The following CALN1 variants were observed in gnomAD, a reference collection of about 807,000 sequenced individuals.
The protein encoded by CALN1 is calcium-binding protein 8.
CALN1 carries 17 observed loss-of-function variants against 30.6 expected under a neutral mutation model. The ratio of observed to expected loss-of-function variants is 0.56; its 90% CI spans 0.38 to 0.83. CALN1 has a LOEUF of 0.83. CALN1 is among the 40% of genes least tolerant of loss of function. The probability of loss-of-function intolerance (pLI) is 0.00; values close to 1 mark genes in which losing one functional copy is unlikely to be tolerated. For missense variants in CALN1, 291 were observed against 354.9 expected, an observed-to-expected ratio of 0.82 and a Z score of 1.45; for synonymous variants, 156 against 131.4, an observed-to-expected ratio of 1.19 and a Z score of -1.28.
intron 2 of CALN1, among the ~76,000 whole-genome samples, chr7:72,320,831 T>C (rs1406358696): frequency 1.6e-5 from 1 of 62,208 alleles, no homozygotes; most frequent in South Asian, 7.9e-4. Flanking sequence ...CGAGACTCCA[T>C]CTCAAAAAAA....
At chr7:72,143,205 G>A (rs1312959516) in intron 3 of CALN1, among the ~76,000 whole-genome samples, 8 of 152,192 alleles carry the variant, frequency 5.3e-5, no homozygotes, top group Non-Finnish European at 8.8e-5. Context: ...TGAACCCAAC[G>A]CAAAGAAGTT....
the CALN1 span, among the ~76,000 whole-genome samples, chr7:72,470,263 G>A: frequency 1.3e-5 from 2 of 152,174 alleles, no homozygotes; most frequent in East Asian, 3.8e-4. Flanking sequence ...CCCAGATGAA[G>A]TCAGGTGTGG....
intron 3 of CALN1, among the ~76,000 whole-genome samples, chr7:72,202,564 C>G (rs894604988): frequency 6.6e-6 from 1 of 152,166 alleles, no homozygotes; most frequent in Non-Finnish European, 1.5e-5. Flanking sequence ...CAGACTGACC[C>G]TGGCTTTTCC....
At chr7:72,167,355 G>GT (rs149005840) in intron 3 of CALN1, among the ~76,000 whole-genome samples, 12,918 of 151,954 alleles carry the variant, frequency 0.085, 951 homozygotes, top group African/African-American at 0.2. Flanking sequence ...TTTTGTTTTT[G>GT]TTTTTTTGAG....
chr7:71,808,075 AAAAC>A (rs1658538938), intron 6 of CALN1, among the ~76,000 whole-genome samples: 1 of 152,152 alleles, frequency 6.6e-6, no homozygotes, highest in Admixed American at 6.6e-5. Context: ...CTTTGTCTCA[AAAAC>A]AAACAAAACA....
intron 2 of CALN1, chr7:72,337,797 A>G (rs917037890): frequency 1.4e-4 from 22 of 152,446 alleles, no homozygotes; most frequent in African/African-American, 5.3e-4. Context: ...CCACTCCTCC[A>G]GGGCCTGAGA....
At chr7:72,242,670 T>C in intron 3 of CALN1, among the ~76,000 whole-genome samples, 1 of 152,134 alleles carries the variant, frequency 6.6e-6, no homozygotes, top group Non-Finnish European at 1.5e-5. Flanking sequence ...GGCAGATCAC[T>C]TGAGGTCAGG....
At chr7:72,374,558 GAAAA>G (rs144987102) in intron 2 of CALN1, among the ~76,000 whole-genome samples, 1 of 138,564 alleles carries the variant, frequency 7.2e-6, no homozygotes. Context: ...GGAAAAAAAA[GAAAA>G]AAAAAACAGA....
chr7:72,412,291 G>A lies in CALN1; in HGVS notation c.-307C>T, dbSNP rs779412587. 7 of 152,096 alleles carry A rather than the reference G, an allele frequency of 4.6e-5. No individual in the cohort carries two copies. Among genetic ancestry groups the A allele is most frequent in the Non-Finnish European group, 7.3e-5 (5 of 68,056 alleles). 9.4% of individuals were successfully genotyped at this position (152,096 alleles called of 1,614,324 possible). A position where few individuals can be genotyped will look rare whatever the true frequency, so the allele number is the denominator to read the frequency against. On this transcript the variant is annotated 5_prime_UTR_variant, in exon 1 of 7. Transcript: ENST00000395275. ...AAGCAGTAAGCTTTATTAAGAAGCA[G>A]GAAAGAAAAAAACACAAACTCAAGC...
intron 4 of CALN1, among the ~76,000 whole-genome samples, chr7:72,060,007 T>C (rs911636558): frequency 2.0e-5 from 3 of 152,132 alleles, no homozygotes; most frequent in African/African-American, 7.2e-5. Context: ...AAGAGTTTGC[T>C]ACAGTTTTTC....
intron 3 of CALN1, among the ~76,000 whole-genome samples, chr7:72,182,699 TAC>T (rs905498441): frequency 2.0e-5 from 3 of 149,186 alleles, no homozygotes; most frequent in African/African-American, 7.4e-5. Context: ...CAGCCTGAAT[TAC>T]AGAGTGAGAC....
chr7:72,063,381 G>A (rs888692268), intron 4 of CALN1, among the ~76,000 whole-genome samples: 1 of 152,144 alleles, frequency 6.6e-6, no homozygotes. Context: ...TAAGTCTCTT[G>A]GGAAAGTTTT....
intron 5 of CALN1, among the ~76,000 whole-genome samples, chr7:71,963,557 GGCCTCCCAAAGTGCTGGGATTAC>G (rs1223258116): frequency 6.6e-6 from 1 of 150,604 alleles, no homozygotes; most frequent in East Asian, 2.0e-4. Flanking sequence ...CGCCCACCTT[GGCCTCCCAAAGTGCTGGGATTAC>G]AGGTATGAGC....
intron 5 of CALN1, among the ~76,000 whole-genome samples, chr7:71,968,200 A>G (rs1797622239): frequency 6.6e-6 from 1 of 152,060 alleles, no homozygotes; most frequent in Admixed American, 6.6e-5. Context: ...ACTCCTGAAC[A>G]AAAAAAAGAA....
At chr7:72,062,503 C>T (rs1242955258) in intron 4 of CALN1, among the ~76,000 whole-genome samples, 2 of 119,494 alleles carry the variant, frequency 1.7e-5, no homozygotes, top group Middle Eastern at 6.3e-3. Context: ...CAGAGTGAGA[C>T]TCTATCTCAA....
intron 5 of CALN1, among the ~76,000 whole-genome samples, chr7:71,843,608 G>A (rs1479688875): frequency 6.6e-6 from 1 of 152,108 alleles, no homozygotes; most frequent in Non-Finnish European, 1.5e-5. Context: ...GGGTGACAGA[G>A]CAAGACACTG....
At chr7:72,397,712 TCTCA>T (rs754443511) in intron 2 of CALN1, among the ~76,000 whole-genome samples, 58 of 70,282 alleles carry the variant, frequency 8.3e-4, no homozygotes, top group African/African-American at 2.6e-3. Context: ...ACCCATTCTC[TCTCA>T]CACACACACA....
At chr7:72,178,655 C>T (rs1182923336) in intron 3 of CALN1, among the ~76,000 whole-genome samples, 2 of 151,484 alleles carry the variant, frequency 1.3e-5, no homozygotes, top group Non-Finnish European at 2.9e-5. Context: ...CACTAATGCA[C>T]TCCAGCCCAG....
chr7:71,796,508 C>T (rs1173897917), intron 6 of CALN1, among the ~76,000 whole-genome samples: 11 of 151,896 alleles, frequency 7.2e-5, no homozygotes, highest in East Asian at 1.9e-4. Flanking sequence ...TACAGGCTCC[C>T]GCCACCACGC....
Sources: allele counts gnomAD v4.1 joint callset (sites outside exome capture counted in the v4.1 genomes callset), GRCh38; gene constraint gnomAD v4.1.1; transcripts MANE v1.5; gene names NCBI Gene and HGNC (gene_info 2026-07-23, HGNC 2026-07-21).